Variants in IPPK observed in about 807,000 individuals in gnomAD.
IPPK encodes inositol-pentakisphosphate 2-kinase.
IPPK carries 22 observed loss-of-function variants against 64.6 expected under a neutral mutation model. The observed-to-expected ratio is 0.34, with a 90% CI of 0.24 to 0.49. IPPK has a LOEUF of 0.49. Ranked by LOEUF, IPPK falls within the 20% of genes least tolerant of loss-of-function variation. The pLI, the probability that IPPK is intolerant of heterozygous loss-of-function variation, is 0.99. For synonymous variants in IPPK, 262 were observed against 247.2 expected, an observed-to-expected ratio of 1.06 and a Z score of -0.56; for missense variants, 532 against 630.7, an observed-to-expected ratio of 0.84 and a Z score of 1.68.
At chr9:92,634,363 A>G in intron 11 of IPPK, 23 bp downstream of exon 11, 1 of 1,560,140 alleles carries the variant, frequency 6.4e-7, no homozygotes, top group South Asian at 1.1e-5. Context: ...TCACACAGCA[A>G]GTTTTTGGAT....
intron 6 of IPPK, among the ~76,000 whole-genome samples, chr9:92,644,624 T>A (rs955097661): frequency 6.6e-6 from 1 of 152,170 alleles, no homozygotes; most frequent in Non-Finnish European, 1.5e-5. Flanking sequence ...GGCAATTGTT[T>A]AACTTCATGG....
chr9:92,638,375 A>G, intron 8 of IPPK, 95 bp from the exon 9 acceptor site: 1 of 1,421,884 alleles, frequency 7.0e-7, no homozygotes, highest in Non-Finnish European at 9.6e-7. Context: ...GCAGCGGGTG[A>G]AAGCCAAGGG....
At chr9:92,663,312 C>T (rs982474500) in intron 1 of IPPK, among the ~76,000 whole-genome samples, 3 of 152,184 alleles carry the variant, frequency 2.0e-5, no homozygotes, top group Non-Finnish European at 2.9e-5. Context: ...AACCATGCTG[C>T]GCGGGTCTGA....
At chr9:92,657,442 A>G (rs1852395957) in intron 2 of IPPK, among the ~76,000 whole-genome samples, 1 of 152,124 alleles carries the variant, frequency 6.6e-6, no homozygotes, top group African/African-American at 2.4e-5. Context: ...TCATTTACAG[A>G]GGAAATGTAG....
chr9:92,636,204 CTG>C (rs988409747), intron 9 of IPPK, among the ~76,000 whole-genome samples: 7 of 152,230 alleles, frequency 4.6e-5, no homozygotes, highest in African/African-American at 1.7e-4. Context: ...AGGGGGAAAA[CTG>C]TAGTCAGCTG....
Position 92,613,250 on chromosome 9 carries a change from T to C in IPPK, c.*2582A>G. ...TATTTTCTGCTTAGAAACCACACCC[T>C]GAAGACGTGCTGTCTATGCAGTTAT... On this transcript the variant is annotated 3_prime_UTR_variant, in exon 13 of 13. Transcript: ENST00000287996. The C allele has an allele frequency of 1.4e-6, 2 of 1,398,304 alleles. No individual in the cohort carries two copies. Among genetic ancestry groups the C allele is most frequent in the Non-Finnish European group, 2.0e-6 (2 of 995,314 alleles). 86.6% of individuals were successfully genotyped at this position (1,398,304 alleles called of 1,614,324 possible). A position where few individuals can be genotyped will look rare whatever the true frequency, so the allele number is the denominator to read the frequency against.
intron 11 of IPPK, among the ~76,000 whole-genome samples, chr9:92,625,563 C>T (rs145342508): frequency 2.0e-5 from 3 of 152,240 alleles, no homozygotes; most frequent in East Asian, 1.9e-4. Context: ...TCCCTGAAAC[C>T]GCTCCTTTTA....
intron 11 of IPPK, among the ~76,000 whole-genome samples, chr9:92,628,200 A>G (rs1851769149): frequency 6.6e-6 from 1 of 152,252 alleles, no homozygotes; most frequent in Non-Finnish European, 1.5e-5. Flanking sequence ...GAAAACCAAG[A>G]TCTAAATAAA....
At chr9:92,620,075 T>A (rs969182821) in intron 11 of IPPK, 18 of 161,458 alleles carry the variant, frequency 1.1e-4, no homozygotes, top group African/African-American at 4.3e-4. Context: ...AGGCTGTGCA[T>A]GTGTTAACTT....
At chr9:92,648,999 G>A (rs535022257) in intron 5 of IPPK, among the ~76,000 whole-genome samples, 1 of 152,348 alleles carries the variant, frequency 6.6e-6, no homozygotes, top group African/African-American at 2.4e-5. Context: ...GAGCTCCCCA[G>A]TCTACAGGGC....
At chr9:92,638,628 CAGTTA>C (rs1851989890) in intron 8 of IPPK, among the ~76,000 whole-genome samples, 1 of 152,260 alleles carries the variant, frequency 6.6e-6, no homozygotes, top group South Asian at 2.1e-4. Flanking sequence ...GCCACCAGCC[CAGTTA>C]CTCAAGAACC....
chr9:92,654,157 C>T (rs1266718394), intron 3 of IPPK, among the ~76,000 whole-genome samples: 1 of 152,220 alleles, frequency 6.6e-6, no homozygotes, highest in Non-Finnish European at 1.5e-5. Context: ...AAGCAGACCT[C>T]GGTGGTTTAT....
intron 1 of IPPK, among the ~76,000 whole-genome samples, chr9:92,663,661 C>T (rs1394168932): frequency 6.6e-6 from 1 of 152,172 alleles, no homozygotes; most frequent in Non-Finnish European, 1.5e-5. Context: ...CAATGGGAAG[C>T]CTGAGGGGGC....
chr9:92,667,424 T>C (rs914020435), intron 1 of IPPK, among the ~76,000 whole-genome samples: 1 of 152,194 alleles, frequency 6.6e-6, no homozygotes, highest in African/African-American at 2.4e-5. Flanking sequence ...GTCCACAGCC[T>C]GAGCAAACAG....
intron 11 of IPPK, among the ~76,000 whole-genome samples, chr9:92,630,705 T>C (rs1183279905): frequency 2.6e-5 from 4 of 151,426 alleles, no homozygotes; most frequent in Non-Finnish European, 4.4e-5. Context: ...AACAGAACAA[T>C]ACTGCACATA....
Position 92,670,038 on chromosome 9 carries a change from C to T in IPPK, c.-50G>A. ...GCGGGCTAGGACTCGGGGACGCGAG[C>T]TGGGGGCCGCCCGCCTCGCTGGGAA... On this transcript the variant is annotated 5_prime_UTR_variant, in exon 1 of 13. Coordinates refer to ENST00000287996, the MANE Select transcript of IPPK (RefSeq NM_022755.6). 7.3e-7 allele frequency: 1 copy of T among 1,374,626 alleles called. No homozygotes were observed. 85.2% of individuals were successfully genotyped at this position (1,374,626 alleles called of 1,614,324 possible).
At chr9:92,663,125 T>C (rs1306804625) in intron 1 of IPPK, among the ~76,000 whole-genome samples, 1 of 152,252 alleles carries the variant, frequency 6.6e-6, no homozygotes, top group Non-Finnish European at 1.5e-5. Flanking sequence ...AGATACGTAG[T>C]GTTGTTAACT....
At position 92,649,540 on chromosome 9, in the gene IPPK, AC is replaced by A; in HGVS notation, c.326del (p.Ser109MetfsTer10). On this transcript the variant is annotated frameshift_variant, in exon 5 of 13. Coordinates refer to ENST00000287996, the MANE Select transcript of IPPK (RefSeq NM_022755.6). LOFTEE classifies it high-confidence loss of function. ...SRCDKDLDTL[S>X]GYAMCLPNLT... ...AATTAGGAAGGCACATAGCGTAACC[AC>A]TGAGAGTATCCAGGTCCTTGTCACA... 6.2e-7 allele frequency: 1 copy of A among 1,614,162 alleles called. No homozygotes were observed. The highest frequency in any genetic ancestry group is 8.5e-7 in the Non-Finnish European group (1 of 1,180,018).
intron 11 of IPPK, among the ~76,000 whole-genome samples, chr9:92,622,535 T>TA (rs1851661319): frequency 6.6e-6 from 1 of 152,100 alleles, no homozygotes; most frequent in Admixed American, 6.6e-5. Context: ...CATTTACATC[T>TA]AAAACCATCA....
Sources: gnomAD v4.1 joint callset for allele counts (sites outside exome capture counted in the v4.1 genomes callset) on GRCh38, gnomAD v4.1.1 for gene constraint, MANE v1.5 for transcripts, NCBI Gene and HGNC (gene_info 2026-07-23, HGNC 2026-07-21) for gene names.